The following SNRNP40 variants were observed in gnomAD, a reference collection of about 807,000 sequenced individuals.
SNRNP40 encodes small nuclear ribonucleoprotein U5 subunit 40.
In SNRNP40, 21 loss-of-function variants were observed where a neutral mutation model predicts 45.8. The ratio of observed to expected loss-of-function variants is 0.46; its 90% confidence interval spans 0.32 to 0.66. The LOEUF is 0.66. SNRNP40 is among the 30% of genes least tolerant of loss of function. The pLI is 0.03. For synonymous variants in SNRNP40, 142 were observed against 163.8 expected (o/e 0.87, Z 1.01); for missense variants, 344 against 439.1 (o/e 0.78, Z 1.94).
intron 4 of SNRNP40, among the ~76,000 whole-genome samples, chr1:31,282,728 T>C (rs1174665908): frequency 1.3e-5 from 2 of 152,026 alleles, no homozygotes; most frequent in Non-Finnish European, 2.9e-5. Flanking sequence ...CAGGCCGGAG[T>C]GCGGTGGTGC....
intron 2 of SNRNP40, among the ~76,000 whole-genome samples, chr1:31,292,559 C>T (rs1236186363): frequency 2.0e-5 from 3 of 152,072 alleles, no homozygotes; most frequent in East Asian, 3.9e-4. Context: ...CACCCGGCAC[C>T]GAGGAAAAGA....
At chr1:31,292,495 G>C (rs761642100) in intron 2 of SNRNP40, among the ~76,000 whole-genome samples, 32 of 152,310 alleles carry the variant, frequency 2.1e-4, no homozygotes, top group Non-Finnish European at 3.8e-4. Context: ...TAAGCTTAAG[G>C]ATCATAGAGC....
chr1:31,259,801 C>T lies in SNRNP40; in HGVS notation c.*271G>A, dbSNP rs1323313460. 1 of 606,628 alleles carries T rather than the reference C, an allele frequency of 1.6e-6. No individual in the cohort carries two copies. The highest frequency in any genetic ancestry group is 3.3e-5 in the East Asian group (1 of 30,178). 37.6% of individuals were successfully genotyped at this position (606,628 alleles called of 1,614,324 possible). On this transcript the variant is annotated 3_prime_UTR_variant, in exon 10 of 10. Transcript: ENST00000263694. Reference sequence around the variant, plus strand: ...AACCAACAAATTTGTCACATTGGGCCTGCATTAGAAAACAGGAAAAAAGAA... The same window carrying T: ...AACCAACAAATTTGTCACATTGGGCTTGCATTAGAAAACAGGAAAAAAGAA...
chr1:31,263,913 TAA>T (rs11419603), intron 8 of SNRNP40, among the ~76,000 whole-genome samples: 50 of 106,988 alleles, frequency 4.7e-4, no homozygotes, highest in Admixed American at 1.4e-3. Context: ...ATGTACTGGC[TAA>T]AAAAAAAAAA....
chr1:31,291,300 A>G (rs1569675103), intron 3 of SNRNP40, among the ~76,000 whole-genome samples: 1 of 151,954 alleles, frequency 6.6e-6, no homozygotes, highest in Admixed American at 6.6e-5. Flanking sequence ...AAAAAAAAAA[A>G]TTAACACTGA....
At chr1:31,265,587 T>C (rs1645890222) in intron 8 of SNRNP40, among the ~76,000 whole-genome samples, 1 of 152,180 alleles carries the variant, frequency 6.6e-6, no homozygotes, top group East Asian at 1.9e-4. Flanking sequence ...ATGACTGTAA[T>C]CCCAGCACTT....
intron 4 of SNRNP40, among the ~76,000 whole-genome samples, chr1:31,283,692 A>G (rs564288967): frequency 1.5e-4 from 23 of 152,360 alleles, no homozygotes; most frequent in African/African-American, 5.3e-4. Flanking sequence ...TGGGGACCTA[A>G]TTTCCAGAGT....
intron 4 of SNRNP40, among the ~76,000 whole-genome samples, chr1:31,285,002 T>C (rs1202328267): frequency 2.0e-5 from 3 of 152,220 alleles, no homozygotes; most frequent in East Asian, 1.9e-4. Flanking sequence ...AACTGTACTA[T>C]AATCTTTGTC....
At chr1:31,282,673 CTCTA>C (rs199782173) in intron 4 of SNRNP40, among the ~76,000 whole-genome samples, 19 of 150,912 alleles carry the variant, frequency 1.3e-4, no homozygotes, top group Middle Eastern at 3.4e-3. Flanking sequence ...TCTATCTAAT[CTCTA>C]TCTATCTATC....
intron 5 of SNRNP40, among the ~76,000 whole-genome samples, chr1:31,280,767 G>GTTT (rs373402074): frequency 3.9e-4 from 56 of 143,482 alleles, no homozygotes; most frequent in African/African-American, 1.4e-3. Context: ...AGATGCTACT[G>GTTT]TTTTTTTTTT....
At chr1:31,294,768 C>T (rs1346523631) in intron 1 of SNRNP40, among the ~76,000 whole-genome samples, 3 of 151,758 alleles carry the variant, frequency 2.0e-5, no homozygotes, top group East Asian at 3.9e-4. Flanking sequence ...GGTGAAACTC[C>T]GTCTCTACTA....
At chr1:31,281,585 T>A (rs1569658949) in intron 4 of SNRNP40, 89 bp from the exon 5 acceptor site, 2 of 1,211,820 alleles carry the variant, frequency 1.7e-6, no homozygotes, top group East Asian at 5.0e-5. Context: ...GAGGACTTTG[T>A]GGACATGAAC....
At chr1:31,264,878 T>G (rs1194178085) in intron 8 of SNRNP40, among the ~76,000 whole-genome samples, 1 of 152,086 alleles carries the variant, frequency 6.6e-6, no homozygotes, top group East Asian at 1.9e-4. Flanking sequence ...AAAGACAGAA[T>G]CCCAGATCTC....
In SNRNP40 at chr1:31,296,788, C is replaced by G; in HGVS notation, c.-37G>C. 1 of 1,544,826 alleles carries G rather than the reference C, an allele frequency of 6.5e-7. No homozygotes were observed. The highest frequency in any genetic ancestry group is 1.2e-5 in the South Asian group (1 of 83,312). On this transcript the variant is annotated 5_prime_UTR_variant, in exon 1 of 10. Transcript: ENST00000263694. ...GTCTCTTCAGCGCCGCCACTGACCGCGCTGCCGCTCTCAGGCGCCACGCAA... is the reference window on the plus strand; with the variant it reads ...GTCTCTTCAGCGCCGCCACTGACCGGGCTGCCGCTCTCAGGCGCCACGCAA...
intron 2 of SNRNP40, among the ~76,000 whole-genome samples, chr1:31,292,272 G>A (rs1001023410): frequency 2.6e-5 from 4 of 152,150 alleles, no homozygotes; most frequent in African/African-American, 9.7e-5. Flanking sequence ...TGAGGCAGGA[G>A]AATCACTTGA....
chr1:31,263,447 G>A (rs947694575), intron 8 of SNRNP40: 4 of 212,098 alleles, frequency 1.9e-5, no homozygotes, highest in African/African-American at 9.7e-5. Context: ...CCAAAGTGCT[G>A]GGATGACGGG....
chr1:31,274,655 A>AAC (rs1490068478), intron 5 of SNRNP40, among the ~76,000 whole-genome samples: 82 of 150,856 alleles, frequency 5.4e-4, no homozygotes, highest in Non-Finnish European at 1.0e-3. Context: ...TAAAAAAAAA[A>AAC]AAAAAAAAAA....
In SNRNP40 at chr1:31,280,659, G is replaced by A. The variant is rs79589456; in HGVS notation, c.654+715C>T. On this transcript the variant is annotated intron_variant, in intron 5 of 9. Transcript: ENST00000263694. ...GGAAAGGAAGACAGAAGCTGTGCAG[G>A]CCCAAAATAATACATTTCCTGGCAC... is the stretch of plus-strand genomic sequence containing the variant. Among the ~76,000 whole-genome samples the A allele has an allele frequency of 8.6e-3, 1,305 of 152,162 alleles. 23 individuals are homozygous for A. The highest frequency in any genetic ancestry group is 0.027 in the African/African-American group (1,134 of 41,510).
At position 31,259,935 on chromosome 1, in the gene SNRNP40, T is replaced by C. The variant is rs531399367; in HGVS notation, c.*137A>G. 4 of 738,322 alleles carry C rather than the reference T, an allele frequency of 5.4e-6. No homozygotes were observed. Among genetic ancestry groups the C allele is most frequent in the South Asian group, 1.5e-5 (1 of 68,508 alleles). The allele number at this position is 738,322 out of a possible 1,614,324, so 45.7% of individuals were successfully genotyped here. On this transcript the variant is annotated 3_prime_UTR_variant, in exon 10 of 10. Coordinates refer to ENST00000263694, the MANE Select transcript of SNRNP40 (RefSeq NM_004814.3). ...TGGGACAGAAGTGGTTTTTGGAATA[T>C]GGCCACCGCCTCCTGTTTCTTGCTA...
Sources: gnomAD v4.1 joint callset for allele counts (sites outside exome capture counted in the v4.1 genomes callset) on GRCh38, gnomAD v4.1.1 for gene constraint, MANE v1.5 for transcripts, NCBI Gene and HGNC (gene_info 2026-07-23, HGNC 2026-07-21) for gene names.